CREB5: variants seen among roughly 807,000 people sequenced by gnomAD.
CREB5 encodes cAMP responsive element binding protein 5.
In CREB5, 19 loss-of-function variants were observed where a neutral mutation model predicts 57.1. The ratio of observed to expected loss-of-function variants is 0.33; its 90% CI spans 0.23 to 0.49. The LOEUF is 0.49. CREB5 is among the 20% of genes least tolerant of loss of function. CREB5 has a pLI of 0.99. For synonymous variants in CREB5, 238 were observed against 238.3 expected (o/e 1.00, Z 0.01); for missense variants, 579 against 671.6 (o/e 0.86, Z 1.52).
At chr7:28,612,176 G>C (rs1330345622) in intron 5 of CREB5, among the ~76,000 whole-genome samples, 2 of 152,140 alleles carry the variant, frequency 1.3e-5, no homozygotes, top group Non-Finnish European at 2.9e-5. Context: ...GAAATACCTA[G>C]CTTCATGCTG....
rs1284367626 is a variant in CREB5, at chr7:28,560,847, CGTGTGTGTGT to C, written c.292-9516_292-9507del. Among the ~76,000 whole-genome samples the C allele has an allele frequency of 9.5e-5, 4 of 42,276 alleles. 1 individual carries two copies. The highest frequency in any genetic ancestry group is 2.9e-4 in the African/African-American group (4 of 13,796). 27.7% of individuals were successfully genotyped at this position (42,276 alleles called of 152,430 possible). On this transcript the variant is annotated intron_variant, in intron 4 of 10. Transcript: ENST00000357727. ...GCGCGCGCGCGCGTGTGTGTGTGCG[CGTGTGTGTGT>C]GCGTGTGCCTGCGTGCGCGTGCGTG...
At chr7:28,373,999 T>A (rs1358585999) in intron 1 of CREB5, among the ~76,000 whole-genome samples, 1 of 151,812 alleles carries the variant, frequency 6.6e-6, no homozygotes, top group Non-Finnish European at 1.5e-5. Flanking sequence ...AACGGGGAAA[T>A]TAGAAGTTAC....
intron 7 of CREB5, among the ~76,000 whole-genome samples, chr7:28,758,907 G>A (rs530200971): frequency 1.3e-5 from 2 of 152,176 alleles, no homozygotes; most frequent in South Asian, 4.1e-4. Context: ...TATTTAAAGT[G>A]AGACGTCAGT....
In CREB5 at chr7:28,587,405, AC is replaced by A. The variant is rs200099143; in HGVS notation, c.464+16870del. 7.9e-5 allele frequency among the ~76,000 whole-genome samples: 12 copies of A among 152,176 alleles called. No individual in the cohort carries two copies. In the East Asian group the frequency reaches 2.1e-3, roughly 27 times the overall value. The stretch of plus-strand genomic sequence containing the variant: ...CTGGGTACATGCTCAGCCTCACCTC[AC>A]CATTGATGCTGTGAGTCATCAGTGC... On this transcript the variant is annotated intron_variant, in intron 5 of 10. Coordinates refer to ENST00000357727, the MANE Select transcript of CREB5 (RefSeq NM_182898.4).
chr7:28,681,862 T>A (rs181083407), intron 5 of CREB5, among the ~76,000 whole-genome samples: 2 of 152,200 alleles, frequency 1.3e-5, no homozygotes, highest in Admixed American at 1.3e-4. Flanking sequence ...CTTTCAGACA[T>A]TGGTTTAGGT....
chr7:28,543,414 C>T (rs967882245), intron 4 of CREB5, among the ~76,000 whole-genome samples: 2 of 152,084 alleles, frequency 1.3e-5, no homozygotes, highest in African/African-American at 4.8e-5. Flanking sequence ...ATCCACTTCT[C>T]CTTTTTGATT....
At chr7:28,815,360 T>G (rs1809374818) in intron 9 of CREB5, among the ~76,000 whole-genome samples, 1 of 150,294 alleles carries the variant, frequency 6.7e-6, no homozygotes, top group South Asian at 2.1e-4. Context: ...CTCAGGGTTC[T>G]GCATTTTTAC....
In CREB5 at chr7:28,601,267, T is replaced by C. The variant is rs185614615; in HGVS notation, c.464+30730T>C. Among the ~76,000 whole-genome samples, 262 of 151,914 alleles carry C rather than the reference T, an allele frequency of 1.7e-3. 1 individual carries two copies. Among genetic ancestry groups the C allele is most frequent in the African/African-American group, 6.1e-3 (254 of 41,472 alleles). On this transcript the variant is annotated intron_variant, in intron 5 of 10. Transcript: ENST00000357727. The stretch of plus-strand genomic sequence containing the variant: ...GAAAAGGGGATTTGTTCTACAGACA[T>C]GGAAGATAACGAGAAGCAAAAATCC...
At chr7:28,627,678 T>C (rs772361873) in intron 5 of CREB5, among the ~76,000 whole-genome samples, 4 of 152,168 alleles carry the variant, frequency 2.6e-5, no homozygotes, top group Non-Finnish European at 5.9e-5. Flanking sequence ...ATTGGTGGGA[T>C]AGCATGAAGT....
intron 5 of CREB5, among the ~76,000 whole-genome samples, chr7:28,703,115 A>G (rs1801946528): frequency 6.6e-6 from 1 of 152,250 alleles, no homozygotes; most frequent in Admixed American, 6.5e-5. Context: ...TGTCATGACC[A>G]GATCTTTGGT....
intron 5 of CREB5, among the ~76,000 whole-genome samples, chr7:28,678,232 G>A (rs1035811771): frequency 6.6e-6 from 1 of 151,784 alleles, no homozygotes; most frequent in African/African-American, 2.4e-5. Flanking sequence ...TACTAAGAAT[G>A]CAAAAATTAG....
At chr7:28,436,300 A>G (rs147960373) in intron 1 of CREB5, among the ~76,000 whole-genome samples, 23 of 152,116 alleles carry the variant, frequency 1.5e-4, no homozygotes, top group African/African-American at 4.3e-4. Context: ...ATGTTTTCCA[A>G]TGTTTCTTAA....
chr7:28,774,993 T>C (rs1350944375), intron 7 of CREB5, among the ~76,000 whole-genome samples: 2 of 152,214 alleles, frequency 1.3e-5, no homozygotes, highest in African/African-American at 4.8e-5. Context: ...AAGAACAAGT[T>C]TGCAATCTCC....
intron 1 of CREB5, among the ~76,000 whole-genome samples, chr7:28,337,432 T>C (rs1015989677): frequency 7.2e-5 from 11 of 152,130 alleles, no homozygotes; most frequent in African/African-American, 2.7e-4. Flanking sequence ...AATTGACTCC[T>C]TTATCATTAT....
At chr7:28,804,152 A>C (rs763120136) in intron 7 of CREB5, 47 bp from the exon 8 acceptor site, 2 of 1,567,396 alleles carry the variant, frequency 1.3e-6, no homozygotes, top group South Asian at 2.3e-5. Flanking sequence ...TATCATGTAC[A>C]TGACTGACTT....
chr7:28,809,014 T>G (rs1415581887), intron 8 of CREB5, among the ~76,000 whole-genome samples, 173 bp from the exon 9 acceptor site: 1 of 152,206 alleles, frequency 6.6e-6, no homozygotes, highest in Non-Finnish European at 1.5e-5. Context: ...CTTTTCCTTT[T>G]CTTTCATGAG....
intron 4 of CREB5, among the ~76,000 whole-genome samples, chr7:28,518,637 C>G (rs1355278804): frequency 6.6e-6 from 1 of 152,172 alleles, no homozygotes; most frequent in Non-Finnish European, 1.5e-5. Context: ...ACCCTTGTAA[C>G]CCCACTTGGT....
At chr7:28,732,070 G>A (rs1295598089) in intron 7 of CREB5, among the ~76,000 whole-genome samples, 1 of 152,072 alleles carries the variant, frequency 6.6e-6, no homozygotes, top group Non-Finnish European at 1.5e-5. Flanking sequence ...GTGTGGAGTG[G>A]TGAATGAGCC....
chr7:28,746,998 C>T (rs909560976), intron 7 of CREB5, among the ~76,000 whole-genome samples: 4 of 152,176 alleles, frequency 2.6e-5, no homozygotes, highest in Admixed American at 2.0e-4. Flanking sequence ...TTTTCTTCCC[C>T]CTCAAGAAAT....
Sources: gnomAD v4.1 joint callset for allele counts (sites outside exome capture counted in the v4.1 genomes callset) on GRCh38, gnomAD v4.1.1 for gene constraint, MANE v1.5 for transcripts, NCBI Gene and HGNC (gene_info 2026-07-23, HGNC 2026-07-21) for gene names.